ARHGEF38: variants seen among roughly 807,000 people sequenced by gnomAD.
ARHGEF38 encodes the protein Rho guanine nucleotide exchange factor 38.
ARHGEF38 carries 79 observed loss-of-function variants against 79.9 expected under a neutral mutation model. The observed-to-expected ratio is 0.99, with a 90% CI of 0.82 to 1.19. The LOEUF (loss-of-function observed/expected upper bound fraction) is 1.19, where lower values mean the gene tolerates loss of function less well. Among genes scored for constraint, ARHGEF38 ranks in the 50% most tolerant of loss-of-function variants. The probability of loss-of-function intolerance (pLI) is 0.00; values close to 1 mark genes in which losing one functional copy is unlikely to be tolerated. For synonymous variants in ARHGEF38, 366 were observed against 328.3 expected (o/e 1.11, Z -1.24); for missense variants, 962 against 907.2 (o/e 1.06, Z -0.78).
chr4:105,558,393 G>C (rs1392028647), intron 1 of ARHGEF38, among the ~76,000 whole-genome samples: 3 of 152,076 alleles, frequency 2.0e-5, no homozygotes, highest in South Asian at 2.1e-4. Context: ...CTTTTTGTTC[G>C]TGTCTGTTCT....
chr4:105,665,237 GT>G (rs1173254616), intron 10 of ARHGEF38, among the ~76,000 whole-genome samples: 1 of 152,022 alleles, frequency 6.6e-6, no homozygotes, highest in African/African-American at 2.4e-5. Context: ...ACTTATGCCT[GT>G]GATCCCAGCA....
intron 5 of ARHGEF38, among the ~76,000 whole-genome samples, chr4:105,638,427 T>C (rs1729486541): frequency 6.6e-6 from 1 of 152,126 alleles, no homozygotes; most frequent in African/African-American, 2.4e-5. Context: ...ATCTTTATGC[T>C]TTCACTCTTT....
intron 5 of ARHGEF38, among the ~76,000 whole-genome samples, chr4:105,639,764 T>C (rs889094098): frequency 3.3e-5 from 5 of 152,056 alleles, no homozygotes; most frequent in Admixed American, 6.6e-5. Context: ...AAACTGCTTT[T>C]ATTTTTGTAG....
At chr4:105,561,927 A>C (rs1025693898) in intron 1 of ARHGEF38, among the ~76,000 whole-genome samples, 1 of 152,204 alleles carries the variant, frequency 6.6e-6, no homozygotes, top group African/African-American at 2.4e-5. Context: ...AATTGTGGAA[A>C]AGTGACTAGG....
intron 10 of ARHGEF38, among the ~76,000 whole-genome samples, chr4:105,662,266 T>A (rs1173293305): frequency 6.6e-6 from 1 of 152,158 alleles, no homozygotes; most frequent in Non-Finnish European, 1.5e-5. Context: ...GGTATTTTTC[T>A]CCTTAATTTC....
intron 2 of ARHGEF38, among the ~76,000 whole-genome samples, chr4:105,595,014 G>T (rs1727515816): frequency 6.6e-6 from 1 of 152,176 alleles, no homozygotes; most frequent in South Asian, 2.1e-4. Flanking sequence ...ACAATGGAAA[G>T]GGCAAAAAGT....
chr4:105,579,019 G>C (rs748235913), intron 1 of ARHGEF38, among the ~76,000 whole-genome samples: 2 of 151,982 alleles, frequency 1.3e-5, no homozygotes, highest in Non-Finnish European at 2.9e-5. Flanking sequence ...CTGTCAAGAA[G>C]TTCTATTTTG....
intron 1 of ARHGEF38, among the ~76,000 whole-genome samples, chr4:105,562,978 T>C (rs1725709619): frequency 6.6e-6 from 1 of 152,126 alleles, no homozygotes; most frequent in South Asian, 2.1e-4. Flanking sequence ...TCCAGTGTTG[T>C]GAAGGACCTG....
At chr4:105,589,481 A>C (rs762027198) in intron 2 of ARHGEF38, 46 bp downstream of exon 2, 1 of 1,524,166 alleles carries the variant, frequency 6.6e-7, no homozygotes, top group Non-Finnish European at 8.9e-7. Flanking sequence ...TATCATAAAT[A>C]GGATCACTAG....
intron 1 of ARHGEF38, among the ~76,000 whole-genome samples, chr4:105,558,153 A>T (rs1240266583): frequency 6.6e-6 from 1 of 152,222 alleles, no homozygotes; most frequent in Non-Finnish European, 1.5e-5. Context: ...AACTTTATAC[A>T]AAATAACAGA....
At chr4:105,621,027 T>C (rs1728716330) in intron 3 of ARHGEF38, among the ~76,000 whole-genome samples, 1 of 152,160 alleles carries the variant, frequency 6.6e-6, no homozygotes, top group South Asian at 2.1e-4. Context: ...TGAGACTATG[T>C]AGAGTGAGAA....
At chr4:105,554,795 A>G (rs749370725) in intron 1 of ARHGEF38, among the ~76,000 whole-genome samples, 5 of 152,088 alleles carry the variant, frequency 3.3e-5, no homozygotes, top group Non-Finnish European at 7.3e-5. Flanking sequence ...TTTAGGAATA[A>G]TGGGTACCAT....
chr4:105,578,411 G>C (rs982837019), intron 1 of ARHGEF38, among the ~76,000 whole-genome samples: 27 of 152,124 alleles, frequency 1.8e-4, no homozygotes, highest in African/African-American at 6.5e-4. Flanking sequence ...TTCTTGAGTA[G>C]AATGTTCTAT....
Position 105,561,135 on chromosome 4 carries a change from C to T in ARHGEF38, c.196+8174C>T, listed in dbSNP as rs189435066. Among the ~76,000 whole-genome samples, 234 of 152,138 alleles carry T rather than the reference C, an allele frequency of 1.5e-3. 1 individual carries two copies. The highest frequency in any genetic ancestry group is 6.8e-3 in the Middle Eastern group (2 of 294). ...GGGTGTGGTGGCTCATGCCTGTAATCCCAGCACTTTGGGTGGCCAAGGTGG... is the reference window on the plus strand; with the variant it reads ...GGGTGTGGTGGCTCATGCCTGTAATTCCAGCACTTTGGGTGGCCAAGGTGG... On this transcript the variant is annotated intron_variant, in intron 1 of 13. Coordinates refer to ENST00000420470, the MANE Select transcript of ARHGEF38 (RefSeq NM_001242729.2).
chr4:105,680,945 G>T (rs574451298), downstream of ARHGEF38: 1 of 152,254 alleles, frequency 6.6e-6, no homozygotes, highest in South Asian at 2.1e-4. Context: ...TACATTAACT[G>T]TTATAGTTGC....
intron 3 of ARHGEF38, among the ~76,000 whole-genome samples, chr4:105,630,076 C>T (rs1347298729): frequency 6.6e-6 from 1 of 152,064 alleles, no homozygotes; most frequent in Non-Finnish European, 1.5e-5. Context: ...TATGTATTTA[C>T]TATACTATGA....
chr4:105,632,490 A>C (rs1578330276), intron 4 of ARHGEF38, among the ~76,000 whole-genome samples: 1 of 152,166 alleles, frequency 6.6e-6, no homozygotes, highest in African/African-American at 2.4e-5. Context: ...GAAACATTCA[A>C]ATTTGAAGTT....
Position 105,680,181 on chromosome 4 carries a change from G to T in ARHGEF38, c.*2244G>T. ...TTAAAACCAGGTCTTCTGACTTTAA[G>T]GCCTTTCTTTTAGTGTTTTCCCTTT... On this transcript the variant is annotated 3_prime_UTR_variant, in exon 14 of 14. Transcript: ENST00000420470. 1 of 547,680 alleles carries T rather than the reference G, an allele frequency of 1.8e-6. No individual in the cohort carries two copies. The highest frequency in any genetic ancestry group is 3.4e-6 in the Non-Finnish European group (1 of 294,900). 33.9% of individuals were successfully genotyped at this position (547,680 alleles called of 1,614,324 possible).
intron 5 of ARHGEF38, among the ~76,000 whole-genome samples, chr4:105,640,218 G>T (rs1729564114): frequency 6.6e-6 from 1 of 151,916 alleles, no homozygotes; most frequent in African/African-American, 2.4e-5. Flanking sequence ...TTTTGTTAGA[G>T]CAATAATCAA....
Sources: gnomAD v4.1 joint callset for allele counts (sites outside exome capture counted in the v4.1 genomes callset) on GRCh38, gnomAD v4.1.1 for gene constraint, MANE v1.5 for transcripts, NCBI Gene and HGNC (gene_info 2026-07-23, HGNC 2026-07-21) for gene names.